Variants in LRIT1 observed in about 807,000 individuals in gnomAD.
LRIT1 encodes the protein leucine-rich repeat, immunoglobulin-like domain and transmembrane domain-containing protein 1.
A neutral mutation model predicts 24.0 loss-of-function variants in LRIT1; 23 were observed. The observed-to-expected ratio is 0.96, with a 90% CI of 0.69 to 1.36. The LOEUF (loss-of-function observed/expected upper bound fraction) is 1.36. LRIT1 is among the 40% of genes most tolerant of loss of function. The pLI is 0.00. For synonymous variants in LRIT1, 361 were observed against 340.5 expected, an observed-to-expected ratio of 1.06 and a Z score of -0.66; for missense variants, 846 against 806.3, an observed-to-expected ratio of 1.05 and a Z score of -0.60.
chr10:84,237,124 TGGAA>T, intron 2 of LRIT1, 92 bp downstream of exon 2: 1 of 1,028,010 alleles, frequency 9.7e-7, no homozygotes. Context: ...TGCTCAAACC[TGGAA>T]GGAAGGTATG....
intron 1 of LRIT1, 114 bp downstream of exon 1, chr10:84,241,204 G>C: frequency 2.0e-6 from 3 of 1,503,178 alleles, no homozygotes; most frequent in Non-Finnish European, 2.7e-6. Context: ...GGTCCTCAAG[G>C]GCCAAGGGAG....
chr10:84,231,958 C>G lies in LRIT1; in HGVS notation c.1841G>C (p.Gly614Ala), dbSNP rs780853343. ...SVDFQAFGVK[G>A]GRRINEYFC ...GAAGTACTCATTGATTCTCCTGCCC[C>G]CTTTGACTCCAAAGGCCTGAAAGTC... The change falls in exon 4 of 4, where the codon GGG (glycine) becomes GCG (alanine). Residue 614 changes from glycine (G) to alanine (A), a missense_variant. Transcript: ENST00000372105. 3.1e-6 allele frequency: 5 copies of G among 1,611,588 alleles called. No individual in the cohort carries two copies. The highest frequency in any genetic ancestry group is 2.7e-5 in the African/African-American group (2 of 74,954).
At chr10:84,240,615 A>G (rs1191949977) in intron 1 of LRIT1, among the ~76,000 whole-genome samples, 1 of 152,198 alleles carries the variant, frequency 6.6e-6, no homozygotes, top group Admixed American at 6.5e-5. Flanking sequence ...CCACAGTGGC[A>G]TGGGAATGTC....
intron 2 of LRIT1, among the ~76,000 whole-genome samples, chr10:84,235,132 T>G (rs540287759): frequency 1.3e-5 from 2 of 152,244 alleles, no homozygotes; most frequent in African/African-American, 4.8e-5. Context: ...GATGTTCTTT[T>G]AGTCCCCAAA....
intron 2 of LRIT1, among the ~76,000 whole-genome samples, chr10:84,235,594 TGTATTCCCAGCACCTA>T (rs66539663): frequency 0.5 from 76,448 of 151,928 alleles, 21,916 homozygotes; most frequent in African/African-American, 0.8. Flanking sequence ...TGTTCTCTGC[TGTATTCCCAGCACCTA>T]GAATTGGAAG....
At chr10:84,241,266 C>G in intron 1 of LRIT1, 52 bp downstream of exon 1, 1 of 1,612,138 alleles carries the variant, frequency 6.2e-7, no homozygotes, top group Non-Finnish European at 8.5e-7. Context: ...CCCAGCCTAG[C>G]TGGCAAAGCA....
chr10:84,241,223 C>T (rs371522098), intron 1 of LRIT1, 95 bp downstream of exon 1: 8 of 1,572,200 alleles, frequency 5.1e-6, no homozygotes, highest in Non-Finnish European at 8.7e-7. Flanking sequence ...AGATGAAGAC[C>T]TCACCCAGGG....
At chr10:84,234,570 C>A (rs143174690) in intron 2 of LRIT1, among the ~76,000 whole-genome samples, 192 bp from the exon 3 acceptor site, 1 of 152,278 alleles carries the variant, frequency 6.6e-6, no homozygotes, top group African/African-American at 2.4e-5. Context: ...AGTAGCATTA[C>A]TTTCTTTTCA....
Position 84,231,852 on chromosome 10 carries a change from T to C in LRIT1, c.*75A>G. 6 of 1,503,232 alleles carry C rather than the reference T, an allele frequency of 4.0e-6. No individual in the cohort carries two copies. The South Asian group carries it at 7.8e-5, about 20-fold the overall frequency. 93.1% of individuals were successfully genotyped at this position (1,503,232 alleles called of 1,614,324 possible). Reference sequence around the variant, plus strand: ...AGGTACCCGAGCAGGTAAGAGTGGGTGATCGTGTACTCAGGTGTCAGAGCT... The same window carrying C: ...AGGTACCCGAGCAGGTAAGAGTGGGCGATCGTGTACTCAGGTGTCAGAGCT... On this transcript the variant is annotated 3_prime_UTR_variant, in exon 4 of 4. Transcript: ENST00000372105.
chr10:84,236,078 C>T (rs187439141), intron 2 of LRIT1, among the ~76,000 whole-genome samples: 1,972 of 151,554 alleles, frequency 0.013, 24 homozygotes, highest in Non-Finnish European at 0.02. Flanking sequence ...GGGTGGATCA[C>T]GAGGTCAGGA....
At chr10:84,233,983 TC>T (rs1474394867) in intron 3 of LRIT1, 89 bp downstream of exon 3, 15 of 1,278,148 alleles carry the variant, frequency 1.2e-5, no homozygotes, top group Non-Finnish European at 1.5e-5. Context: ...TTAGACAACT[TC>T]CCTCTGGCCC....
intron 1 of LRIT1, among the ~76,000 whole-genome samples, chr10:84,238,304 G>A (rs1022697129): frequency 1.3e-5 from 2 of 150,592 alleles, no homozygotes; most frequent in East Asian, 1.9e-4. Flanking sequence ...GCAGTGAGCC[G>A]AGATCACCCC....
intron 3 of LRIT1, among the ~76,000 whole-genome samples, 167 bp downstream of exon 3, chr10:84,233,906 G>A (rs1842624655): frequency 1.3e-5 from 2 of 152,244 alleles, no homozygotes; most frequent in African/African-American, 4.8e-5. Flanking sequence ...TGTTGTCACA[G>A]TGATTTGCCT....
chr10:84,233,024 G>A, intron 3 of LRIT1, 121 bp from the exon 4 acceptor site: 1 of 1,092,888 alleles, frequency 9.2e-7, no homozygotes, highest in Non-Finnish European at 1.3e-6. Flanking sequence ...AGAAAACACT[G>A]GCAGTCACTC....
rs140648210 is a variant in LRIT1 at position 84,241,381 on chromosome 10, C to T, written c.59G>A (p.Arg20Gln). Residue 20 changes from arginine to glutamine, a missense_variant, in exon 1 of 4, where the codon CGG (arginine) becomes CAG (glutamine). Coordinates refer to ENST00000372105, the MANE Select transcript of LRIT1 (RefSeq NM_015613.3). ...LLALAWPPQARGFCPSQCSCS... is the reference protein window; with the variant it reads ...LLALAWPPQAQGFCPSQCSCS... ...GCTGCATTGAGAGGGGCAGAAGCCC[C>T]GGGCCTGGGGGGGCCACGCAAGGGC... 1.6e-5 allele frequency: 26 copies of T among 1,611,794 alleles called. No individual in the cohort carries two copies. Among genetic ancestry groups the T allele is most frequent in the South Asian group, 3.3e-5 (3 of 90,918 alleles).
At position 84,232,245 on chromosome 10, in the gene LRIT1, C is replaced by A; in HGVS notation, c.1554G>T (p.Val518=). The change falls in exon 4 of 4, where the codon GTG becomes GTT. Residue 518 remains valine (V), a synonymous_variant. Transcript: ENST00000372105. ...EQCVIFSTNE[V]VDAENTQQLI... ...GCTGCTGAGTGTTCTCAGCATCCAC[C>A]ACTTCATTGGTGGAGAAAATAACAC... 1 of 1,614,186 alleles carries A rather than the reference C, an allele frequency of 6.2e-7. No homozygotes were observed. The highest frequency in any genetic ancestry group is 8.5e-7 in the Non-Finnish European group (1 of 1,180,012).
rs1842662664 is a variant in LRIT1 at position 84,237,621 on chromosome 10, CTG to C, written c.186_187del (p.Arg63ThrfsTer86). 10 of 1,606,744 alleles carry C rather than the reference CTG, an allele frequency of 6.2e-6. No homozygotes were observed. In the East Asian group the frequency reaches 2.2e-4, roughly 36 times the overall value. ...TATGGCCGTCCGCTCCAGGCGCAGTCTGGAGGTGTCCGGGGGGATGGACGCCG... is the reference window on the plus strand; with the variant it reads ...TATGGCCGTCCGCTCCAGGCGCAGTCGAGGTGTCCGGGGGGATGGACGCCG... On this transcript the variant is annotated frameshift_variant, in exon 2 of 4. Coordinates refer to ENST00000372105, the MANE Select transcript of LRIT1 (RefSeq NM_015613.3). LOFTEE classifies it high-confidence loss of function.
intron 2 of LRIT1, 74 bp from the exon 3 acceptor site, chr10:84,234,452 C>A: frequency 8.2e-7 from 1 of 1,225,882 alleles, no homozygotes; most frequent in African/African-American, 1.5e-5. Context: ...CCCTTCCCCT[C>A]TGGAAGGACA....
At position 84,237,292 on chromosome 10, in the gene LRIT1, C is replaced by T; in HGVS notation, c.517G>A (p.Glu173Lys). ...AGGTGAGCCCAGGAGACGATGAGCT[C>T]CTGCGGGAGCCTCATCAGCTGGTTG... is the stretch of plus-strand genomic sequence containing the variant. ...SSNQLMRLPQ[E>K]LIVSWAHLET... Residue 173 changes from glutamate to lysine, a missense_variant, in exon 2 of 4, where the codon GAG (glutamate) becomes AAG (lysine). Glu to Lys is a moderately conservative substitution (Grantham distance 56, BLOSUM62 1). Transcript: ENST00000372105. 3.2e-6 allele frequency: 5 copies of T among 1,551,032 alleles called. No individual in the cohort carries two copies. Among genetic ancestry groups the T allele is most frequent in the Non-Finnish European group, 4.4e-6 (5 of 1,146,978 alleles).
Sources: allele counts gnomAD v4.1 joint callset (sites outside exome capture counted in the v4.1 genomes callset), GRCh38; gene constraint gnomAD v4.1.1; transcripts MANE v1.5; gene names NCBI Gene and HGNC (gene_info 2026-07-23, HGNC 2026-07-21).